PDE8A: variants seen among roughly 807,000 people sequenced by gnomAD.
PDE8A encodes the protein phosphodiesterase 8A, also known as high affinity cAMP-specific and IBMX-insensitive 3',5'-cyclic phosphodiesterase 8A.
A neutral mutation model predicts 105.0 loss-of-function variants in PDE8A; 59 were observed. The ratio of observed to expected loss-of-function variants is 0.56; its 90% CI spans 0.46 to 0.70. PDE8A has a LOEUF of 0.70. Among genes scored for constraint, PDE8A ranks in the 30% least tolerant of loss-of-function variants. The pLI is 0.00. For missense variants in PDE8A, 1,014 were observed against 1,045.9 expected (o/e 0.97, Z 0.42); for synonymous variants, 355 against 371.9 (o/e 0.95, Z 0.52).
intron 1 of PDE8A, among the ~76,000 whole-genome samples, chr15:85,061,531 C>T (rs117367546): frequency 0.028 from 4,187 of 152,218 alleles, 91 homozygotes; most frequent in Non-Finnish European, 0.044. Context: ...TGAGCCACCA[C>T]GCCCAGTTCT....
intron 1 of PDE8A, among the ~76,000 whole-genome samples, chr15:85,037,698 C>G (rs548080540): frequency 2.6e-5 from 4 of 152,182 alleles, no homozygotes; most frequent in Non-Finnish European, 5.9e-5. Context: ...CTTTTTGGGA[C>G]TGGTGTGGCT....
chr15:85,099,584 G>A (rs531093634), intron 9 of PDE8A, among the ~76,000 whole-genome samples: 5 of 152,286 alleles, frequency 3.3e-5, no homozygotes, highest in East Asian at 1.9e-4. Context: ...AGCTAACCAC[G>A]TTCAGTGTGA....
At chr15:85,126,101 A>T (rs1052858451) in intron 19 of PDE8A, 106 bp from the exon 20 acceptor site, 6 of 723,682 alleles carry the variant, frequency 8.3e-6, no homozygotes, top group Non-Finnish European at 1.3e-5. Context: ...ATCCTTATAG[A>T]TCCTGACTAG....
intron 6 of PDE8A, among the ~76,000 whole-genome samples, chr15:85,088,080 G>A (rs1313836789): frequency 6.6e-6 from 1 of 152,200 alleles, no homozygotes; most frequent in Non-Finnish European, 1.5e-5. Context: ...GTGCAGTGAT[G>A]CAATCTCGGC....
chr15:85,039,704 A>T (rs747426385), intron 1 of PDE8A, among the ~76,000 whole-genome samples: 1 of 152,238 alleles, frequency 6.6e-6, no homozygotes, highest in Non-Finnish European at 1.5e-5. Flanking sequence ...ATGTAGAAAC[A>T]ATCGATGTGC....
At position 85,116,116 on chromosome 15, in the gene PDE8A, A is replaced by C; in HGVS notation, c.1532A>C (p.Asn511Thr). The C allele has an allele frequency of 6.2e-7, 1 of 1,613,914 alleles. No individual in the cohort carries two copies. ...DIFELEAATH[N>T]RPLIYLGLKM... Reference sequence around the variant, plus strand: ...TTTGAACTGGAGGCTGCCACCCACAATAGGTGAGTTCATGCAGAGCTCAGC... The same window carrying C: ...TTTGAACTGGAGGCTGCCACCCACACTAGGTGAGTTCATGCAGAGCTCAGC... Residue 511 changes from asparagine to threonine, a missense_variant, in exon 16 of 22, where the codon AAT (asparagine) becomes ACT (threonine). Coordinates refer to ENST00000394553, the MANE Select transcript of PDE8A (RefSeq NM_002605.3).
chr15:85,129,315 A>G (rs893919875), intron 20 of PDE8A, among the ~76,000 whole-genome samples: 1 of 152,172 alleles, frequency 6.6e-6, no homozygotes, highest in Non-Finnish European at 1.5e-5. Context: ...AGAGTTTGAG[A>G]AGGATTGATA....
intron 1 of PDE8A, among the ~76,000 whole-genome samples, chr15:85,021,480 C>T (rs2080425849): frequency 6.6e-6 from 1 of 152,044 alleles, no homozygotes; most frequent in Non-Finnish European, 1.5e-5. Context: ...ATTGCTTGTG[C>T]CCAGGAATTC....
At chr15:85,068,251 G>A (rs1359130170) in intron 3 of PDE8A, among the ~76,000 whole-genome samples, 2 of 152,004 alleles carry the variant, frequency 1.3e-5, no homozygotes, top group Non-Finnish European at 2.9e-5. Flanking sequence ...TATTGGCCAG[G>A]CTGGTCTTGA....
chr15:85,065,540 C>T (rs1483502145), intron 2 of PDE8A, among the ~76,000 whole-genome samples: 2 of 151,780 alleles, frequency 1.3e-5, no homozygotes, highest in East Asian at 1.9e-4. Context: ...CCATGCTCCC[C>T]GCACATGAAC....
At chr15:85,010,814 A>G (rs568316323) in intron 1 of PDE8A, among the ~76,000 whole-genome samples, 1 of 152,312 alleles carries the variant, frequency 6.6e-6, no homozygotes, top group Admixed American at 6.5e-5. Context: ...TATGACCTGT[A>G]GGAAAACTCA....
At chr15:85,075,992 C>T (rs1046896018) in intron 4 of PDE8A, 74 bp downstream of exon 4, 13 of 781,904 alleles carry the variant, frequency 1.7e-5, no homozygotes, top group Non-Finnish European at 2.6e-5. Context: ...GGCCAAATAA[C>T]AGCTTGCATG....
intron 8 of PDE8A, among the ~76,000 whole-genome samples, 155 bp downstream of exon 8, chr15:85,091,336 G>A (rs1257350231): frequency 6.6e-6 from 1 of 152,194 alleles, no homozygotes; most frequent in Non-Finnish European, 1.5e-5. Context: ...CATTTTGCAG[G>A]TGAGGAAACT....
rs768355046 is a variant in PDE8A, at chr15:85,064,421, C to G, written c.238C>G (p.Leu80Val). ...FGPMRFHQDQ[L>V]QVLLVFTKED... ...CCCCATGAGATTTCATCAAGATCAA[C>G]TTCAGGTAATAATGAACGATGCTGT... Residue 80 changes from leucine to valine, a missense_variant, in exon 2 of 22, where the codon CTT (leucine) becomes GTT (valine). By Grantham distance (32) the Leu-to-Val change is conservative. Transcript: ENST00000394553. 6.2e-7 allele frequency: 1 copy of G among 1,601,538 alleles called. No homozygotes were observed. Among genetic ancestry groups the G allele is most frequent in the Non-Finnish European group, 8.6e-7 (1 of 1,168,808 alleles).
intron 6 of PDE8A, among the ~76,000 whole-genome samples, chr15:85,087,342 A>G (rs1424677960): frequency 1.3e-5 from 2 of 152,078 alleles, no homozygotes; most frequent in Non-Finnish European, 2.9e-5. Flanking sequence ...AGCTAGGACT[A>G]CAGATGTATA....
chr15:85,053,208 G>C (rs1343709619), intron 1 of PDE8A, among the ~76,000 whole-genome samples: 2 of 152,202 alleles, frequency 1.3e-5, no homozygotes, highest in Non-Finnish European at 2.9e-5. Flanking sequence ...GTACCATGCT[G>C]TTTTGGTTAC....
chr15:84,983,957 A>G (rs955680233), intron 1 of PDE8A, among the ~76,000 whole-genome samples: 1 of 152,212 alleles, frequency 6.6e-6, no homozygotes, highest in Non-Finnish European at 1.5e-5. Flanking sequence ...ACTTACTTCA[A>G]CCATTCTTCT....
intron 1 of PDE8A, among the ~76,000 whole-genome samples, chr15:85,056,946 GT>G (rs2081069627): frequency 6.6e-6 from 1 of 152,152 alleles, no homozygotes; most frequent in Non-Finnish European, 1.5e-5. Context: ...CATCTTTGTG[GT>G]TTTATCTACC....
At chr15:85,137,332 GACTGA>G (rs1161203784) in intron 21 of PDE8A, among the ~76,000 whole-genome samples, 1 of 152,166 alleles carries the variant, frequency 6.6e-6, no homozygotes, top group Non-Finnish European at 1.5e-5. Context: ...CTGCTTCTGG[GACTGA>G]GACCAGACGC....
Sources: allele counts gnomAD v4.1 joint callset (sites outside exome capture counted in the v4.1 genomes callset), GRCh38; gene constraint gnomAD v4.1.1; transcripts MANE v1.5; gene names NCBI Gene and HGNC (gene_info 2026-07-23, HGNC 2026-07-21).